The following KAZN variants were observed in gnomAD, a reference collection of about 807,000 sequenced individuals.
KAZN encodes the protein kazrin, periplakin interacting protein.
A neutral mutation model predicts 87.4 loss-of-function variants in KAZN; 40 were observed. The ratio of observed to expected loss-of-function variants is 0.46; its 90% CI spans 0.36 to 0.60. The LOEUF (loss-of-function observed/expected upper bound fraction) is 0.60, where lower values mean the gene tolerates loss of function less well. KAZN is among the 20% of genes least tolerant of loss of function. The pLI is 0.00. For missense variants in KAZN, 898 were observed against 1,073.9 expected (o/e 0.84, Z 2.29); for synonymous variants, 466 against 458.3 (o/e 1.02, Z -0.22).
At chr1:14,043,831 T>C (rs1641943161) in intron 1 of KAZN, among the ~76,000 whole-genome samples, 1 of 152,164 alleles carries the variant, frequency 6.6e-6, no homozygotes, top group South Asian at 2.1e-4. Context: ...CAGTGACTTG[T>C]CTGGGTTGAT....
chr1:13,949,827 G>A (rs1641280202), intron 1 of KAZN, among the ~76,000 whole-genome samples: 1 of 152,180 alleles, frequency 6.6e-6, no homozygotes, highest in Non-Finnish European at 1.5e-5. Context: ...CATCCTCTAA[G>A]GTCAAAGGTA....
At chr1:14,538,338 TAGA>T (rs1672618104) in intron 2 of KAZN, among the ~76,000 whole-genome samples, 1 of 152,242 alleles carries the variant, frequency 6.6e-6, no homozygotes. Context: ...GAGTGTGTGA[TAGA>T]AGAAGAATAT....
intron 1 of KAZN, among the ~76,000 whole-genome samples, chr1:14,051,053 C>A (rs1005099078): frequency 1.3e-4 from 20 of 151,958 alleles, no homozygotes; most frequent in Admixed American, 1.3e-3. Context: ...AAACTGAACT[C>A]AACTCTGAGC....
rs572434578 is a variant in KAZN at position 14,730,344 on chromosome 1, A to C, written c.226+131121A>C. On this transcript the variant is annotated intron_variant, in intron 1 of 14. Coordinates refer to ENST00000376030, the MANE Select transcript of KAZN (RefSeq NM_201628.3). ...TAATCCGCCCGCCTCGGCTTCCCAA[A>C]GTGCTGGGATTACAGGCGTGAGCCA... 1.6e-3 allele frequency among the ~76,000 whole-genome samples: 248 copies of C among 152,256 alleles called. 1 individual carries two copies. Among genetic ancestry groups the C allele is most frequent in the African/African-American group, 5.8e-3 (240 of 41,552 alleles).
intron 1 of KAZN, among the ~76,000 whole-genome samples, chr1:13,990,945 C>A (rs1639253313): frequency 1.3e-5 from 2 of 152,140 alleles, no homozygotes; most frequent in Non-Finnish European, 2.9e-5. Flanking sequence ...GCATTGCTGC[C>A]TAATAAACTA....
At chr1:14,272,765 G>A (rs183216983) in intron 2 of KAZN, among the ~76,000 whole-genome samples, 147 of 152,244 alleles carry the variant, frequency 9.7e-4, no homozygotes, top group African/African-American at 3.3e-3. Flanking sequence ...GGCTGAGGCC[G>A]GAGAATCACT....
rs552464400 is a variant in KAZN at position 14,800,467 on chromosome 1, G to A, written c.227-160217G>A. ...TGTAATCCCAGCACTTTGGGAGGCC[G>A]AGGCAAAAGGATCACTTGAGCCTAG... On this transcript the variant is annotated intron_variant, in intron 1 of 14. Coordinates refer to ENST00000376030, the MANE Select transcript of KAZN (RefSeq NM_201628.3). Among the ~76,000 whole-genome samples the A allele has an allele frequency of 8.4e-4, 128 of 152,298 alleles. 1 individual carries two copies. Among genetic ancestry groups the A allele is most frequent in the African/African-American group, 2.8e-3 (115 of 41,574 alleles).
At chr1:14,878,065 G>C (rs1315515575) in intron 1 of KAZN, among the ~76,000 whole-genome samples, 1 of 152,068 alleles carries the variant, frequency 6.6e-6, no homozygotes, top group Non-Finnish European at 1.5e-5. Flanking sequence ...CTGCAGACAT[G>C]GTTAAAATTC....
chr1:14,384,177 C>A (rs1661648555), intron 2 of KAZN, among the ~76,000 whole-genome samples: 1 of 150,458 alleles, frequency 6.6e-6, no homozygotes, highest in Non-Finnish European at 1.5e-5. Context: ...TATCCTGAGA[C>A]TTTGCTGAAG....
At chr1:14,945,518 G>A (rs541997333) in intron 1 of KAZN, among the ~76,000 whole-genome samples, 7 of 152,248 alleles carry the variant, frequency 4.6e-5, no homozygotes, top group East Asian at 3.9e-4. Context: ...CCGCACTGGC[G>A]GCCAGTCTGT....
chr1:14,176,886 G>T (rs368870775), intron 1 of KAZN, among the ~76,000 whole-genome samples: 1 of 152,066 alleles, frequency 6.6e-6, no homozygotes. Flanking sequence ...TAGGTTGTTC[G>T]CAGTGGCTCA....
At chr1:13,917,558 G>A (rs1251794815) in intron 1 of KAZN, among the ~76,000 whole-genome samples, 1 of 152,116 alleles carries the variant, frequency 6.6e-6, no homozygotes, top group African/African-American at 2.4e-5. Flanking sequence ...CATTTTGGGA[G>A]GCGGAGTTGG....
chr1:14,799,062 G>A (rs1194683820), intron 1 of KAZN, among the ~76,000 whole-genome samples: 2 of 152,224 alleles, frequency 1.3e-5, no homozygotes, highest in African/African-American at 2.4e-5. Flanking sequence ...CAGGCATGAT[G>A]AGCCACTGTG....
intron 2 of KAZN, among the ~76,000 whole-genome samples, chr1:14,363,408 T>C (rs1419045663): frequency 6.6e-6 from 1 of 152,180 alleles, no homozygotes; most frequent in Non-Finnish European, 1.5e-5. Flanking sequence ...TGACTCATTT[T>C]CCCTCTAATC....
chr1:14,501,123 ATAAATAAAAAT>A (rs1371776524), intron 2 of KAZN, among the ~76,000 whole-genome samples: 2 of 144,340 alleles, frequency 1.4e-5, no homozygotes, highest in African/African-American at 5.2e-5. Context: ...AAATAAATAA[ATAAATAAAAAT>A]AATAATAAAA....
At chr1:14,631,453 C>T (rs1298086433) in intron 1 of KAZN, among the ~76,000 whole-genome samples, 1 of 152,186 alleles carries the variant, frequency 6.6e-6, no homozygotes, top group Non-Finnish European at 1.5e-5. Context: ...AGAAACTGAG[C>T]CTCAGAAAGG....
intron 1 of KAZN, among the ~76,000 whole-genome samples, chr1:14,943,324 T>A (rs1661367922): frequency 6.6e-6 from 1 of 151,798 alleles, no homozygotes; most frequent in Admixed American, 6.6e-5. Flanking sequence ...AGCCTCCAGA[T>A]TAGGATTGCA....
At chr1:15,026,713 A>C (rs1438113887) in intron 2 of KAZN, among the ~76,000 whole-genome samples, 2 of 73,344 alleles carry the variant, frequency 2.7e-5, no homozygotes, top group Non-Finnish European at 5.3e-5. Flanking sequence ...CAAGGATCGA[A>C]AATAATTTGG....
intron 1 of KAZN, among the ~76,000 whole-genome samples, chr1:14,745,459 G>C (rs1644238925): frequency 6.6e-6 from 1 of 152,056 alleles, no homozygotes; most frequent in Admixed American, 6.5e-5. Flanking sequence ...GTGAGAATGG[G>C]GGGAAGTGAT....
Sources: gnomAD v4.1 joint callset for allele counts (sites outside exome capture counted in the v4.1 genomes callset) on GRCh38, gnomAD v4.1.1 for gene constraint, MANE v1.5 for transcripts, NCBI Gene and HGNC (gene_info 2026-07-23, HGNC 2026-07-21) for gene names.